MTUS1: variants seen among roughly 807,000 people sequenced by gnomAD.
MTUS1 encodes microtubule-associated tumor suppressor 1.
Under a neutral mutation model 120.8 loss-of-function variants are expected in MTUS1, and 109 were observed. That is an observed-to-expected ratio of 0.90 (90% CI 0.77 to 1.06). The LOEUF (loss-of-function observed/expected upper bound fraction) is 1.06, where lower values mean the gene tolerates loss of function less well. Ranked by LOEUF, MTUS1 falls within the 50% of genes least tolerant of loss-of-function variation. MTUS1 has a pLI of 0.00. For synonymous variants in MTUS1, 737 were observed against 550.5 expected (o/e 1.34, Z -4.74); for missense variants, 2,210 against 1,486.3 (o/e 1.49, Z -8.01).
At chr8:17,711,729 C>G (rs1308230036) in intron 6 of MTUS1, among the ~76,000 whole-genome samples, 1 of 152,220 alleles carries the variant, frequency 6.6e-6, no homozygotes, top group African/African-American at 2.4e-5. Context: ...CTGAATTATC[C>G]TGGCTTTCAA....
chr8:17,719,775 C>A (rs192756147), intron 4 of MTUS1, among the ~76,000 whole-genome samples: 2 of 152,212 alleles, frequency 1.3e-5, no homozygotes, highest in African/African-American at 4.8e-5. Context: ...ACTTCCCATT[C>A]CTGTTGTGAG....
At chr8:17,801,218 G>A (rs1359568582), upstream of MTUS1, 3 of 151,354 alleles carry the variant, frequency 2.0e-5, no homozygotes, top group Admixed American at 6.6e-5. Flanking sequence ...CCACGCCTGC[G>A]GCGGCTACCA....
intron 1 of MTUS1, among the ~76,000 whole-genome samples, chr8:17,789,772 A>G (rs1430624925): frequency 1.3e-5 from 2 of 152,202 alleles, no homozygotes; most frequent in East Asian, 1.9e-4. Context: ...CAGCAGCCCA[A>G]CGATAGCCAA....
Position 17,754,071 on chromosome 8 carries a change from A to C in MTUS1, c.1737T>G (p.Phe579Leu), listed in dbSNP as rs1319618675. Reference sequence around the variant, plus strand: ...CAGCCTGGCTAGTAATGAGTTTATTAAACTGCTGCTTATGTGTCTTGTTAA... The same window carrying C: ...CAGCCTGGCTAGTAATGAGTTTATTCAACTGCTGCTTATGTGTCTTGTTAA... ...ILINKTHKQQ[F>L]NKLITSQAVH... Residue 579 changes from phenylalanine (F) to leucine (L), a missense_variant, in exon 2 of 15, where the codon TTT (phenylalanine) becomes TTG (leucine). Coordinates refer to ENST00000693296, the MANE Select transcript of MTUS1 (RefSeq NM_001363059.2). The C allele has an allele frequency of 1.5e-5, 24 of 1,613,972 alleles. No individual in the cohort carries two copies. Among genetic ancestry groups the C allele is most frequent in the South Asian group, 3.3e-5 (3 of 91,078 alleles).
intron 1 of MTUS1, among the ~76,000 whole-genome samples, chr8:17,756,853 C>G (rs1483449237): frequency 6.6e-6 from 1 of 152,140 alleles, no homozygotes; most frequent in Non-Finnish European, 1.5e-5. Flanking sequence ...TTAGGGTACA[C>G]TGAGAAGAGT....
intron 8 of MTUS1, among the ~76,000 whole-genome samples, chr8:17,666,624 T>C (rs533766411): frequency 2.8e-4 from 42 of 152,046 alleles, no homozygotes; most frequent in African/African-American, 7.5e-4. Flanking sequence ...AAGGGAAAGG[T>C]TTTGCTTTAT....
chr8:17,760,535 T>C (rs1586228533), intron 1 of MTUS1, among the ~76,000 whole-genome samples: 1 of 152,278 alleles, frequency 6.6e-6, no homozygotes, highest in Middle Eastern at 3.4e-3. Flanking sequence ...GTGACCGGCC[T>C]TCGCTCAGGA....
chr8:17,656,173 GA>G, intron 8 of MTUS1, 108 bp from the exon 9 acceptor site: 1 of 939,376 alleles, frequency 1.1e-6, no homozygotes, highest in African/African-American at 1.6e-5. Flanking sequence ...ATACACCCAT[GA>G]TGTCTTGGGT....
intron 8 of MTUS1, among the ~76,000 whole-genome samples, chr8:17,663,320 T>C (rs1008510146): frequency 2.6e-5 from 4 of 152,190 alleles, no homozygotes; most frequent in Non-Finnish European, 2.9e-5. Flanking sequence ...CCTTTGTTGA[T>C]TGATAAATGT....
chr8:17,783,197 C>T (rs7460727), intron 1 of MTUS1, among the ~76,000 whole-genome samples: 3 of 152,074 alleles, frequency 2.0e-5, no homozygotes, highest in Non-Finnish European at 2.9e-5. Context: ...GAAATAAAGA[C>T]GATTTGCTCA....
At chr8:17,687,365 C>G (rs538285693) in intron 6 of MTUS1, among the ~76,000 whole-genome samples, 36 of 151,966 alleles carry the variant, frequency 2.4e-4, no homozygotes, top group Admixed American at 7.2e-4. Context: ...CGCTCAAAAC[C>G]CCAAGGCTCA....
Position 17,750,793 on chromosome 8 carries a change from TAA to T in MTUS1, c.2091+2922_2091+2923del, listed in dbSNP as rs1220758682. On this transcript the variant is annotated intron_variant, in intron 2 of 14. Transcript: ENST00000693296. ...AATATCAATTCCTTTCCTTTTAGGT[TAA>T]GTCTCCACTCCCTTTATCTCACACA... 2.0e-5 allele frequency among the ~76,000 whole-genome samples: 3 copies of T among 152,350 alleles called. No individual in the cohort carries two copies. The East Asian group carries it at 5.8e-4, about 29-fold the overall frequency.
At position 17,679,701 on chromosome 8, in the gene MTUS1, C is replaced by T. The variant is rs980283498; in HGVS notation, c.2839-4449G>A. Among the ~76,000 whole-genome samples, 7 of 151,926 alleles carry T rather than the reference C, an allele frequency of 4.6e-5. No individual in the cohort carries two copies. In the East Asian group the frequency reaches 5.8e-4, roughly 13 times the overall value. On this transcript the variant is annotated intron_variant, in intron 7 of 14. Transcript: ENST00000693296. ...ATTTTTTGGTAGAGACAGGGTTTCGCCATGTTGGCCAGACTGGTCTCAAAC... is the reference window on the plus strand; with the variant it reads ...ATTTTTTGGTAGAGACAGGGTTTCGTCATGTTGGCCAGACTGGTCTCAAAC...
intron 13 of MTUS1, among the ~76,000 whole-genome samples, chr8:17,648,982 C>T (rs1806411104): frequency 6.6e-6 from 1 of 152,272 alleles, no homozygotes; most frequent in Admixed American, 6.5e-5. Flanking sequence ...GAACACTGAA[C>T]ATGCCACTCA....
At chr8:17,678,990 CAG>C (rs1262466032) in intron 7 of MTUS1, among the ~76,000 whole-genome samples, 2 of 152,164 alleles carry the variant, frequency 1.3e-5, no homozygotes, top group African/African-American at 2.4e-5. Flanking sequence ...TTCTGCGAAA[CAG>C]AGTGTGACAT....
chr8:17,657,500 G>A (rs1369681138), intron 8 of MTUS1, among the ~76,000 whole-genome samples: 2 of 149,884 alleles, frequency 1.3e-5, no homozygotes, highest in African/African-American at 2.5e-5. Context: ...CCCGGGAGGC[G>A]GAGCTTGCAG....
rs546136785 is a variant in MTUS1 at position 17,677,585 on chromosome 8, C to A, written c.2839-2333G>T. Among the ~76,000 whole-genome samples the A allele has an allele frequency of 1.3e-4, 20 of 152,226 alleles. No individual in the cohort carries two copies. The South Asian group carries it at 3.9e-3, about 30-fold the overall frequency. Reference sequence around the variant, plus strand: ...AAAAATACACCAGGTGATATTTTTGCTTATTAAGGGAGGTTTTGGGAAAGG... The same window carrying A: ...AAAAATACACCAGGTGATATTTTTGATTATTAAGGGAGGTTTTGGGAAAGG... On this transcript the variant is annotated intron_variant, in intron 7 of 14. Transcript: ENST00000693296.
Position 17,684,513 on chromosome 8 carries a change from T to G in MTUS1, c.2653A>C (p.Ser885Arg), listed in dbSNP as rs1449924155. The change falls in exon 7 of 15, where the codon AGC becomes CGC. Residue 885 changes from serine (S) to arginine (R), a missense_variant. By Grantham distance (110) the Ser-to-Arg change is moderately radical. Transcript: ENST00000693296. The part of the protein sequence containing the change: ...VEKSRQKNPR[S>R]LCIQPQTAPD... Reference sequence around the variant, plus strand: ...GCTGTCTGTGGCTGGATACATAAGCTTCGAGGATTCTTTTGCCTGCTCTTT... The same window carrying G: ...GCTGTCTGTGGCTGGATACATAAGCGTCGAGGATTCTTTTGCCTGCTCTTT... 1.2e-6 allele frequency: 2 copies of G among 1,614,062 alleles called. No individual in the cohort carries two copies. Among genetic ancestry groups the G allele is most frequent in the Admixed American group, 3.3e-5 (2 of 60,026 alleles).
chr8:17,659,188 G>A (rs1386951396), intron 8 of MTUS1, among the ~76,000 whole-genome samples: 5 of 152,050 alleles, frequency 3.3e-5, no homozygotes, highest in African/African-American at 9.7e-5. Context: ...CCCAAAGCCC[G>A]TGCCCCTTCT....
Sources: allele counts gnomAD v4.1 joint callset (sites outside exome capture counted in the v4.1 genomes callset), GRCh38; gene constraint gnomAD v4.1.1; transcripts MANE v1.5; gene names NCBI Gene and HGNC (gene_info 2026-07-23, HGNC 2026-07-21).